The following MBTD1 variants were observed in gnomAD, a reference collection of about 807,000 sequenced individuals.
MBTD1 encodes MBT domain-containing protein 1.
A neutral mutation model predicts 87.8 loss-of-function variants in MBTD1; 24 were observed. The ratio of observed to expected loss-of-function variants is 0.27; its 90% confidence interval spans 0.20 to 0.38. MBTD1 has a LOEUF of 0.38. Among genes scored for constraint, MBTD1 ranks in the 10% least tolerant of loss-of-function variants. The probability of loss-of-function intolerance (pLI) is 1.00; values close to 1 mark genes in which losing one functional copy is unlikely to be tolerated. For synonymous variants in MBTD1, 237 were observed against 248.6 expected (o/e 0.95, Z 0.44); for missense variants, 436 against 760.2 (o/e 0.57, Z 5.02).
chr17:51,190,422 C>T, intron 16 of MBTD1, among the ~76,000 whole-genome samples: 1 of 151,848 alleles, frequency 6.6e-6, no homozygotes. Flanking sequence ...TAAAAAATAT[C>T]TTTAAATAAA....
intron 16 of MBTD1, among the ~76,000 whole-genome samples, chr17:51,187,813 C>T (rs2050610737): frequency 6.7e-6 from 1 of 148,606 alleles, no homozygotes; most frequent in Non-Finnish European, 1.5e-5. Flanking sequence ...TGCACCACTG[C>T]ACTCCAGCCT....
intron 16 of MBTD1, chr17:51,185,267 C>A (rs529238415): frequency 6.6e-6 from 1 of 152,306 alleles, no homozygotes; most frequent in East Asian, 1.9e-4. Flanking sequence ...TATGCTAAGG[C>A]AGGTATAACT....
intron 2 of MBTD1, chr17:51,250,635 A>T (rs970727678): frequency 6.6e-5 from 10 of 152,088 alleles, no homozygotes; most frequent in Non-Finnish European, 1.3e-4. Context: ...TTGCCTGGAG[A>T]CCCTGAGAAT....
intron 2 of MBTD1, among the ~76,000 whole-genome samples, chr17:51,242,109 G>T (rs917968008): frequency 1.3e-5 from 2 of 152,168 alleles, no homozygotes; most frequent in Admixed American, 6.5e-5. Flanking sequence ...ATCTTTTAGT[G>T]GGGAATGATA....
At chr17:51,229,195 A>G (rs2053417041) in intron 2 of MBTD1, among the ~76,000 whole-genome samples, 1 of 152,126 alleles carries the variant, frequency 6.6e-6, no homozygotes, top group Non-Finnish European at 1.5e-5. Context: ...AAACCAAACC[A>G]TTACAAAACA....
chr17:51,247,441 CTTTTTTTTTTT>C (rs58720477), intron 2 of MBTD1, among the ~76,000 whole-genome samples: 3 of 132,042 alleles, frequency 2.3e-5, no homozygotes, highest in Non-Finnish European at 1.6e-5. Flanking sequence ...ATCAGTATTA[CTTTTTTTTTTT>C]TTTTTTTTTT....
chr17:51,224,938 A>G (rs2053127094), intron 3 of MBTD1, 70 bp downstream of exon 3: 1 of 985,918 alleles, frequency 1.0e-6, no homozygotes, highest in African/African-American at 1.7e-5. Flanking sequence ...GGGAAATGAC[A>G]GAAGAAACCA....
intron 3 of MBTD1, among the ~76,000 whole-genome samples, chr17:51,221,094 G>A (rs1037273136): frequency 2.0e-5 from 3 of 152,082 alleles, no homozygotes; most frequent in Non-Finnish European, 4.4e-5. Context: ...AGGAGTATGG[G>A]ACCAGCCTGG....
At chr17:51,206,687 T>C (rs994622963) in intron 7 of MBTD1, among the ~76,000 whole-genome samples, 7 of 152,334 alleles carry the variant, frequency 4.6e-5, no homozygotes, top group Admixed American at 3.9e-4. Flanking sequence ...TAGAGACGGA[T>C]AGCTGTGACA....
chr17:51,194,457 C>T (rs2050969791), intron 13 of MBTD1, among the ~76,000 whole-genome samples: 1 of 148,414 alleles, frequency 6.7e-6, no homozygotes, highest in Non-Finnish European at 1.5e-5. Flanking sequence ...GTAATTCCAG[C>T]TACTTGGGAG....
intron 4 of MBTD1, 80 bp downstream of exon 4, chr17:51,220,250 T>C: frequency 7.4e-7 from 1 of 1,349,324 alleles, no homozygotes; most frequent in Admixed American, 2.4e-5. Context: ...TGGAGTACAG[T>C]GAATCACAGT....
intron 16 of MBTD1, among the ~76,000 whole-genome samples, chr17:51,186,667 G>A (rs1044269269): frequency 1.3e-5 from 2 of 151,976 alleles, no homozygotes; most frequent in South Asian, 2.1e-4. Context: ...CCAGCTACTC[G>A]GGAGGCTGAG....
chr17:51,214,078 CAT>C (rs752674946), intron 6 of MBTD1, among the ~76,000 whole-genome samples: 13 of 151,628 alleles, frequency 8.6e-5, no homozygotes, highest in African/African-American at 2.2e-4. Flanking sequence ...TAAACACACA[CAT>C]ATATATATAC....
chr17:51,243,631 C>G (rs1347855542), intron 2 of MBTD1, among the ~76,000 whole-genome samples: 2 of 152,104 alleles, frequency 1.3e-5, no homozygotes, highest in Admixed American at 1.3e-4. Flanking sequence ...CCTTCAAGAC[C>G]AGGATCACAT....
intron 16 of MBTD1, chr17:51,186,524 C>G (rs887740850): frequency 1.3e-5 from 2 of 152,256 alleles, no homozygotes; most frequent in East Asian, 1.9e-4. Context: ...CGCCTGTAAT[C>G]CCAGCACTTT....
Position 51,179,482 on chromosome 17 carries a change from TTTTATATATATA to T in MBTD1, c.*1082_*1093del, listed in dbSNP as rs1466582681. The T allele has an allele frequency of 8.2e-3, 258 of 31,636 alleles. 17 individuals are homozygous for T. Among genetic ancestry groups the T allele is most frequent in the African/African-American group, 0.035 (202 of 5,708 alleles). The allele number at this position is 31,636 out of a possible 1,614,324, so 2.0% of individuals were successfully genotyped here. ...AAATCCTGAATACAATTAAAGACAA[TTTTATATATATA>T]TATATATATATATATATATATATAT... On this transcript the variant is annotated 3_prime_UTR_variant, in exon 17 of 17. Transcript: ENST00000586178.
intron 16 of MBTD1, among the ~76,000 whole-genome samples, chr17:51,188,823 G>A (rs2050668209): frequency 6.8e-6 from 1 of 147,106 alleles, no homozygotes; most frequent in South Asian, 2.1e-4. Context: ...GCAATGGCGC[G>A]ATCTCGGCTC....
intron 2 of MBTD1, among the ~76,000 whole-genome samples, chr17:51,243,058 T>A (rs1465498275): frequency 6.6e-6 from 1 of 152,208 alleles, no homozygotes; most frequent in Non-Finnish European, 1.5e-5. Flanking sequence ...GTTTATACTG[T>A]GCATGGTATA....
intron 6 of MBTD1, among the ~76,000 whole-genome samples, chr17:51,216,352 A>G (rs942570687): frequency 6.6e-6 from 1 of 152,240 alleles, no homozygotes; most frequent in African/African-American, 2.4e-5. Context: ...TTAAAGTTGT[A>G]GTCAGGTTAA....
Sources: gnomAD v4.1 joint callset for allele counts (sites outside exome capture counted in the v4.1 genomes callset) on GRCh38, gnomAD v4.1.1 for gene constraint, MANE v1.5 for transcripts, NCBI Gene and HGNC (gene_info 2026-07-23, HGNC 2026-07-21) for gene names.